ITGA4: variants seen among roughly 807,000 people sequenced by gnomAD.
The protein encoded by ITGA4 is integrin subunit alpha 4, also known as integrin alpha-4.
A neutral mutation model predicts 133.6 loss-of-function variants in ITGA4; 63 were observed. The observed-to-expected ratio is 0.47, with a 90% CI of 0.38 to 0.58. The LOEUF (loss-of-function observed/expected upper bound fraction) is 0.58, where lower values mean the gene tolerates loss of function less well. Among genes scored for constraint, ITGA4 ranks in the 20% least tolerant of loss-of-function variants. The pLI is 0.00. For synonymous variants in ITGA4, 483 were observed against 438.0 expected, an observed-to-expected ratio of 1.10 and a Z score of -1.28; for missense variants, 1,076 against 1,252.7, an observed-to-expected ratio of 0.86 and a Z score of 2.13.
At chr2:181,520,390 C>A (rs557771878) in intron 17 of ITGA4, among the ~76,000 whole-genome samples, 1 of 151,868 alleles carries the variant, frequency 6.6e-6, no homozygotes, top group East Asian at 1.9e-4. Flanking sequence ...GAAGCAGGGG[C>A]CAACTCTGGA....
intron 4 of ITGA4, chr2:181,475,798 T>C (rs1194213857): frequency 1.3e-6 from 2 of 1,588,492 alleles, no homozygotes; most frequent in Non-Finnish European, 1.7e-6. Flanking sequence ...AACATTTTTC[T>C]CATGGTAACT....
chr2:181,490,929 A>C (rs866600662), intron 10 of ITGA4, among the ~76,000 whole-genome samples: 1 of 152,250 alleles, frequency 6.6e-6, no homozygotes, highest in South Asian at 2.1e-4. Context: ...GCAATCATTA[A>C]ATACCTATGT....
Position 181,480,187 on chromosome 2 carries a change from T to C in ITGA4, c.675T>C (p.Leu225=). Residue 225 remains leucine, a synonymous_variant, in exon 6 of 28, where the codon CTT becomes CTC. Transcript: ENST00000397033. ...GATCATCTTACTGGACTGGCTCTCT[T>C]TTTGTCTACAATATAACTACAAATA... ...APGSSYWTGS[L]FVYNITTNKY... is the part of the protein sequence containing the mutation. 1 of 1,564,262 alleles carries C rather than the reference T, an allele frequency of 6.4e-7. No homozygotes were observed. The highest frequency in any genetic ancestry group is 8.6e-7 in the Non-Finnish European group (1 of 1,156,138).
chr2:181,457,706 G>C lies in ITGA4; in HGVS notation c.52G>C (p.Glu18Gln). ...EPGPRRAAVR[E>Q]TVMLLLCLGV... ...CGGCCCCCGAAGGGCCGCCGTCCGG[G>C]AGACGGTGATGCTGTTGCTGTGCCT... The change falls in exon 1 of 28, where the codon GAG (glutamate) becomes CAG (glutamine). Residue 18 changes from glutamate (E) to glutamine (Q), a missense_variant. Physicochemically the swap from Glu to Gln is conservative, Grantham distance 29. Coordinates refer to ENST00000397033, the MANE Select transcript of ITGA4 (RefSeq NM_000885.6). 3 of 1,612,406 alleles carry C rather than the reference G, an allele frequency of 1.9e-6. No homozygotes were observed. Among genetic ancestry groups the C allele is most frequent in the Non-Finnish European group, 2.5e-6 (3 of 1,179,674 alleles).
chr2:181,538,284 G>A lies in ITGA4; in HGVS notation c.*2757G>A, dbSNP rs1687300233. ...CATTATTTCATCAACTTATTTTGTTGTTTTTCACATACACCTAATAAGTAT... is the reference window on the plus strand; with the variant it reads ...CATTATTTCATCAACTTATTTTGTTATTTTTCACATACACCTAATAAGTAT... On this transcript the variant is annotated 3_prime_UTR_variant, in exon 28 of 28. Coordinates refer to ENST00000397033, the MANE Select transcript of ITGA4 (RefSeq NM_000885.6). 6 of 1,217,606 alleles carry A rather than the reference G, an allele frequency of 4.9e-6. No individual in the cohort carries two copies. In the East Asian group the frequency reaches 1.2e-4, roughly 24 times the overall value. The allele number at this position is 1,217,606 out of a possible 1,614,324, so 75.4% of individuals were successfully genotyped here.
intron 10 of ITGA4, among the ~76,000 whole-genome samples, chr2:181,486,872 A>G (rs975648394): frequency 1.3e-5 from 2 of 152,158 alleles, no homozygotes; most frequent in Non-Finnish European, 2.9e-5. Flanking sequence ...CAATTAGTAT[A>G]CGGTAGTTTT....
At chr2:181,529,325 A>C (rs1263862410) in intron 22 of ITGA4, among the ~76,000 whole-genome samples, 1 of 152,196 alleles carries the variant, frequency 6.6e-6, no homozygotes, top group Non-Finnish European at 1.5e-5. Context: ...CAAAACTAGA[A>C]GGTTAGAAAC....
chr2:181,523,639 G>T lies in ITGA4; in HGVS notation c.2169+107G>T, dbSNP rs547026492. 6.0e-5 allele frequency: 37 copies of T among 612,748 alleles called. 1 individual carries two copies. In the South Asian group the frequency reaches 7.7e-4, roughly 13 times the overall value. 38.0% of individuals were successfully genotyped at this position (612,748 alleles called of 1,614,324 possible). On this transcript the variant is annotated intron_variant, in intron 19 of 27. Transcript: ENST00000397033. The surrounding 1 kb of genome is among the most constrained non-coding windows in gnomAD (Gnocchi z 4.2). The stretch of plus-strand genomic sequence containing the variant: ...AATATTATAAATATTTTAGCTTGGG[G>T]TAGGTAGCTGAGTGATGAAATAAAA...
chr2:181,506,257 C>T (rs534726977), intron 15 of ITGA4, among the ~76,000 whole-genome samples: 4 of 152,092 alleles, frequency 2.6e-5, no homozygotes, highest in African/African-American at 9.7e-5. Context: ...TTCTAGGAAA[C>T]TGAAATTTAG....
rs761711078 is a variant in ITGA4 at position 181,525,325 on chromosome 2, G to A, written c.2339+34G>A. The stretch of plus-strand genomic sequence containing the variant: ...ACATAAAGGCTTCCTTTCAAATTTA[G>A]AGCTGATTTACAGTTTCCTTGCTTC... On this transcript the variant is annotated intron_variant, in intron 21 of 27. Transcript: ENST00000397033. 8.4e-5 allele frequency: 97 copies of A among 1,152,216 alleles called. No individual in the cohort carries two copies. In the Admixed American group the frequency reaches 1.8e-3, roughly 21 times the overall value. 71.4% of individuals were successfully genotyped at this position (1,152,216 alleles called of 1,614,324 possible).
chr2:181,483,827 G>A (rs17224699), intron 9 of ITGA4, among the ~76,000 whole-genome samples: 24,193 of 151,708 alleles, frequency 0.16, 2,156 homozygotes, highest in Middle Eastern at 0.23. Context: ...TCCTCTTTAC[G>A]ACTAAACATC....
chr2:181,536,924 G>GGAAAGATTTCTTT lies in ITGA4; in HGVS notation c.*1398_*1410dup, dbSNP rs769389470. ...AAGGCAATGTGGAAAAACAATTCTG[G>GGAAAGATTTCTTT]GAAAGATTTCTTTATATGAAGTCCC... On this transcript the variant is annotated 3_prime_UTR_variant, in exon 28 of 28. Coordinates refer to ENST00000397033, the MANE Select transcript of ITGA4 (RefSeq NM_000885.6). 2.3e-4 allele frequency: 103 copies of GGAAAGATTTCTTT among 453,422 alleles called. No homozygotes were observed. In the East Asian group the frequency reaches 6.5e-3, roughly 29 times the overall value. 28.1% of individuals were successfully genotyped at this position (453,422 alleles called of 1,614,324 possible). A position where few individuals can be genotyped will look rare whatever the true frequency, so the allele number is the denominator to read the frequency against.
At position 181,530,569 on chromosome 2, in the gene ITGA4, G is replaced by A. The variant is rs759860360; in HGVS notation, c.2584G>A (p.Ala862Thr). Residue 862 changes from alanine to threonine, a missense_variant, in exon 24 of 28, where the codon GCA (alanine) becomes ACA (threonine). Transcript: ENST00000397033. The part of the protein sequence containing the change: ...CHFENYQRVC[A>T]LEQQKSAMQT... The stretch of plus-strand genomic sequence containing the variant: ...CTTTGAAAATTATCAAAGAGTGTGT[G>A]CATTAGAGCAGCAAAAGAGTGCAAT... 6.2e-7 allele frequency: 1 copy of A among 1,612,990 alleles called. No individual in the cohort carries two copies. Among genetic ancestry groups the A allele is most frequent in the South Asian group, 1.1e-5 (1 of 91,022 alleles).
intron 10 of ITGA4, among the ~76,000 whole-genome samples, chr2:181,491,776 C>T (rs1039670160): frequency 2.6e-5 from 4 of 152,194 alleles, no homozygotes; most frequent in African/African-American, 9.7e-5. Flanking sequence ...TCCTCTTTCT[C>T]TTCCTTACCA....
At chr2:181,498,850 G>C (rs148167518) in intron 15 of ITGA4, 73 bp downstream of exon 15, 45,236 of 1,473,118 alleles carry the variant, frequency 0.031, 777 homozygotes, top group Non-Finnish European at 0.035. Context: ...TTATTGTATT[G>C]GTATCTTTTT....
rs1459584741 is a variant in ITGA4 at position 181,536,758 on chromosome 2, C to A, written c.*1231C>A. The A allele has an allele frequency of 2.0e-5, 5 of 244,666 alleles. No homozygotes were observed. Among genetic ancestry groups the A allele is most frequent in the Admixed American group, 5.1e-5 (1 of 19,594 alleles). 15.2% of individuals were successfully genotyped at this position (244,666 alleles called of 1,614,324 possible). ...TGACTTTCTGGATTTTAAAAAATTT[C>A]TTTAAATACAATCATTTTTGTAATA... On this transcript the variant is annotated 3_prime_UTR_variant, in exon 28 of 28. Coordinates refer to ENST00000397033, the MANE Select transcript of ITGA4 (RefSeq NM_000885.6).
At chr2:181,527,912 T>C (rs1250196820) in intron 22 of ITGA4, among the ~76,000 whole-genome samples, 5 of 152,244 alleles carry the variant, frequency 3.3e-5, no homozygotes, top group African/African-American at 1.2e-4. Context: ...TAAAGAGTAC[T>C]ATCGTAATTC....
chr2:181,496,854 C>T (rs1415827576), intron 14 of ITGA4, among the ~76,000 whole-genome samples: 1 of 152,132 alleles, frequency 6.6e-6, no homozygotes, highest in Non-Finnish European at 1.5e-5. Flanking sequence ...CATGACCCTG[C>T]AGGCTGCTGT....
intron 10 of ITGA4, chr2:181,493,088 T>G: frequency 5.3e-6 from 2 of 380,636 alleles, no homozygotes; most frequent in East Asian, 5.1e-5. Flanking sequence ...GCTCTAATCA[T>G]TTTGTTACAC....
Sources: gnomAD v4.1 joint callset for allele counts (sites outside exome capture counted in the v4.1 genomes callset) on GRCh38, gnomAD v4.1.1 for gene constraint, Gnocchi (gnomAD v3.1) non-coding constraint, MANE v1.5 for transcripts, NCBI Gene and HGNC (gene_info 2026-07-23, HGNC 2026-07-21) for gene names.